The following DAB2IP variants were observed in gnomAD, a reference collection of about 807,000 sequenced individuals.
DAB2IP encodes DAB2 interacting protein, also known as disabled homolog 2-interacting protein.
A neutral mutation model predicts 107.2 loss-of-function variants in DAB2IP; 28 were observed. That is an observed-to-expected ratio of 0.26 (90% CI 0.19 to 0.36). The LOEUF (loss-of-function observed/expected upper bound fraction) is 0.36, where lower values mean the gene tolerates loss of function less well. DAB2IP is among the 10% of genes least tolerant of loss of function. The probability of loss-of-function intolerance (pLI) is 1.00; values close to 1 mark genes in which losing one functional copy is unlikely to be tolerated. For missense variants in DAB2IP, 1,400 were observed against 1,644.7 expected (o/e 0.85, Z 2.57); for synonymous variants, 755 against 706.4 (o/e 1.07, Z -1.09).
chr9:121,745,791 A>G (rs1243145001), intron 3 of DAB2IP, among the ~76,000 whole-genome samples: 3 of 152,176 alleles, frequency 2.0e-5, no homozygotes, highest in Non-Finnish European at 2.9e-5. Flanking sequence ...CCTTCCCTTC[A>G]CATCTTCACC....
At chr9:121,709,971 G>A (rs1830256721) in intron 3 of DAB2IP, among the ~76,000 whole-genome samples, 1 of 152,148 alleles carries the variant, frequency 6.6e-6, no homozygotes, top group Non-Finnish European at 1.5e-5. Context: ...ACACTTCACT[G>A]AGCTGAACTC....
chr9:121,698,461 C>G lies in DAB2IP; in HGVS notation c.229-864C>G, dbSNP rs1829541842. On this transcript the variant is annotated intron_variant, in intron 2 of 15. Coordinates refer to ENST00000408936, the Ensembl canonical transcript of DAB2IP. This position sits in a 1 kb window ranked among gnomAD's most constrained non-coding sequence, Gnocchi z 4.1. ...GAGGTGGGGGATTAAGCTCTGTTTT[C>G]AGTCAGTGCAACCTGTTAGGTGGAT... 6.6e-6 allele frequency among the ~76,000 whole-genome samples: 1 copy of G among 152,208 alleles called. No homozygotes were observed. Among genetic ancestry groups the G allele is most frequent in the Non-Finnish European group, 1.5e-5 (1 of 68,026 alleles).
exon 16 of DAB2IP, chr9:121,785,293 A>T (rs1375018711): frequency 6.6e-6 from 1 of 152,048 alleles, no homozygotes; most frequent in African/African-American, 2.4e-5. Flanking sequence ...TTTTCTACAC[A>T]CTCAGCCACA....
chr9:121,615,855 G>T (rs1281230379), intron 1 of DAB2IP, among the ~76,000 whole-genome samples: 1 of 152,000 alleles, frequency 6.6e-6, no homozygotes, highest in Admixed American at 6.6e-5. Context: ...CGAACTCCTG[G>T]TCTCAAGTGA....
chr9:121,716,354 C>T (rs1275264561), intron 3 of DAB2IP, among the ~76,000 whole-genome samples: 2 of 152,204 alleles, frequency 1.3e-5, no homozygotes, highest in East Asian at 3.8e-4. Flanking sequence ...GGAACTTGGC[C>T]TGGGATGCTT....
intron 3 of DAB2IP, chr9:121,752,810 C>T (rs550261562): frequency 9.8e-4 from 149 of 152,336 alleles, no homozygotes; most frequent in African/African-American, 3.4e-3. Flanking sequence ...AATACCTCCC[C>T]GTGAAGGCGC....
chr9:121,573,071 G>A (rs1295317020), intron 1 of DAB2IP, among the ~76,000 whole-genome samples: 2 of 152,050 alleles, frequency 1.3e-5, no homozygotes, highest in Non-Finnish European at 2.9e-5. Context: ...CTTCTGTTTT[G>A]GTTTGTTTGT....
Position 121,699,445 on chromosome 9 carries a change from G to A in DAB2IP, c.349G>A (p.Ala117Thr). 1 of 1,435,310 alleles carries A rather than the reference G, an allele frequency of 7.0e-7. No individual in the cohort carries two copies. The highest frequency in any genetic ancestry group is 1.4e-5 in the South Asian group (1 of 72,636). 88.9% of individuals were successfully genotyped at this position (1,435,310 alleles called of 1,614,324 possible). A position where few individuals can be genotyped will look rare whatever the true frequency, so the allele number is the denominator to read the frequency against. Residue 117 changes from alanine (A) to threonine (T), a missense_variant, in exon 3 of 16, where the codon GCG (alanine) becomes ACG (threonine). This residue lies in a region of DAB2IP where 283 missense variants were observed against 237.0 expected (regional missense o/e 1.19). Transcript: ENST00000408936. This position sits in a 1 kb window ranked among gnomAD's most constrained non-coding sequence, Gnocchi z 6.2. ...GTTCCGGAGCGCCGCCGCCGCCGCC[G>A]CGGACAATGAGAGGTGAGCCCGCCG...
At chr9:121,692,752 T>C (rs1381252627) in intron 2 of DAB2IP, among the ~76,000 whole-genome samples, 1 of 152,220 alleles carries the variant, frequency 6.6e-6, no homozygotes, top group East Asian at 1.9e-4. Flanking sequence ...CCTGTCACAG[T>C]GTCTGACATT....
chr9:121,755,017 G>A (rs1327620706), intron 3 of DAB2IP, among the ~76,000 whole-genome samples: 3 of 152,188 alleles, frequency 2.0e-5, no homozygotes, highest in Admixed American at 6.5e-5. Flanking sequence ...ATCAGGCAGG[G>A]CGTCTCTTCC....
intron 1 of DAB2IP, among the ~76,000 whole-genome samples, chr9:121,622,846 A>C (rs1831519956): frequency 6.6e-6 from 1 of 152,190 alleles, no homozygotes; most frequent in African/African-American, 2.4e-5. Context: ...CAAGACAGTG[A>C]CAAGTACTGT....
At position 121,736,146 on chromosome 9, in the gene DAB2IP, T is replaced by A. The variant is rs1292379723; in HGVS notation, c.363-20867T>A. Among the ~76,000 whole-genome samples, 1 of 152,208 alleles carries A rather than the reference T, an allele frequency of 6.6e-6. No homozygotes were observed. Among genetic ancestry groups the A allele is most frequent in the Admixed American group, 6.5e-5 (1 of 15,282 alleles). On this transcript the variant is annotated intron_variant, in intron 3 of 15. Transcript: ENST00000408936. The surrounding 1 kb of genome is among the most constrained non-coding windows in gnomAD (Gnocchi z 4.6). ...CATGGTAGACAAACCCCTGGCCTTG[T>A]CTGGACCTCAGTTGTGTTCACTTGT...
chr9:121,783,989 C>T (rs572522007), exon 16 of DAB2IP: 45 of 217,338 alleles, frequency 2.1e-4, no homozygotes, highest in African/African-American at 9.6e-4. Flanking sequence ...TCTGCCCCTG[C>T]AGCTGGAATG....
chr9:121,620,694 T>C (rs1831431179), intron 1 of DAB2IP, among the ~76,000 whole-genome samples: 1 of 152,154 alleles, frequency 6.6e-6, no homozygotes, highest in Admixed American at 6.5e-5. Context: ...TCCCAGACAC[T>C]GTGCTCTTCC....
At chr9:121,597,383 G>A (rs1030574670) in intron 1 of DAB2IP, among the ~76,000 whole-genome samples, 3 of 152,118 alleles carry the variant, frequency 2.0e-5, no homozygotes, top group African/African-American at 7.2e-5. Flanking sequence ...TTCTCCCACT[G>A]ACCTGCAGGG....
intron 1 of DAB2IP, among the ~76,000 whole-genome samples, chr9:121,627,903 C>T (rs1343110761): frequency 3.9e-5 from 6 of 152,218 alleles, no homozygotes; most frequent in African/African-American, 4.8e-5. Context: ...CTATCTGCTG[C>T]GTAGAACTTT....
chr9:121,716,936 G>C (rs1050523672), intron 3 of DAB2IP, among the ~76,000 whole-genome samples: 3 of 152,218 alleles, frequency 2.0e-5, no homozygotes, highest in Non-Finnish European at 4.4e-5. Context: ...GATGAGTAGT[G>C]AGTGGGAACT....
At position 121,763,776 on chromosome 9, in the gene DAB2IP, G is replaced by T; in HGVS notation, c.1357G>T (p.Glu453Ter). The change falls in exon 8 of 16, where the codon GAA (glutamate) becomes TAA (stop). Residue 453 changes from glutamate to a stop codon, truncating the protein, a stop_gained. Transcript: ENST00000408936. LOFTEE classifies it high-confidence loss of function. ...GCTGTATGAGTCAGATGAGAACTGCGAAGTGGATCCCAGCAAGTGCTCGGC... is the reference window on the plus strand; with the variant it reads ...GCTGTATGAGTCAGATGAGAACTGCTAAGTGGATCCCAGCAAGTGCTCGGC... 1 of 1,614,138 alleles carries T rather than the reference G, an allele frequency of 6.2e-7. No individual in the cohort carries two copies. Among genetic ancestry groups the T allele is most frequent in the Non-Finnish European group, 8.5e-7 (1 of 1,180,026 alleles).
At chr9:121,611,897 A>T (rs1004144479) in intron 1 of DAB2IP, among the ~76,000 whole-genome samples, 7 of 152,326 alleles carry the variant, frequency 4.6e-5, no homozygotes, top group African/African-American at 1.7e-4. Context: ...GATTAAAATT[A>T]TACGTGCAAA....
Sources: allele counts gnomAD v4.1 joint callset (sites outside exome capture counted in the v4.1 genomes callset), GRCh38; gene constraint gnomAD v4.1.1; regional missense constraint gnomAD v4.1.1; non-coding constraint Gnocchi (gnomAD v3.1); transcripts MANE v1.5; gene names NCBI Gene and HGNC (gene_info 2026-07-23, HGNC 2026-07-21).